The following ADGRL3 variants were observed in gnomAD, a reference collection of about 807,000 sequenced individuals.
The protein encoded by ADGRL3 is adhesion G protein-coupled receptor L3, also known as calcium-independent alpha-latrotoxin receptor 3.
Under a neutral mutation model 153.5 loss-of-function variants are expected in ADGRL3, and 62 were observed. The observed-to-expected ratio is 0.40, with a 90% CI of 0.33 to 0.50. The LOEUF (loss-of-function observed/expected upper bound fraction) is 0.50, where lower values mean the gene tolerates loss of function less well. Among genes scored for constraint, ADGRL3 ranks in the 20% least tolerant of loss-of-function variants. The pLI, the probability that ADGRL3 is intolerant of heterozygous loss-of-function variation, is 0.47. For missense variants in ADGRL3, 1,641 were observed against 1,859.4 expected (o/e 0.88, Z 2.16); for synonymous variants, 710 against 672.5 (o/e 1.06, Z -0.86).
At chr4:61,284,136 T>C (rs1348509452) in intron 1 of ADGRL3, among the ~76,000 whole-genome samples, 2 of 152,000 alleles carry the variant, frequency 1.3e-5, no homozygotes, top group Non-Finnish European at 2.9e-5. Context: ...GGGATACTTA[T>C]GTTCTTAACT....
intron 9 of ADGRL3, among the ~76,000 whole-genome samples, chr4:61,886,080 A>G (rs2098537181): frequency 6.6e-6 from 1 of 152,244 alleles, no homozygotes; most frequent in Non-Finnish European, 1.5e-5. Context: ...AATTACAAAA[A>G]TAAATATGCT....
chr4:61,939,195 C>G (rs987788977), intron 15 of ADGRL3, among the ~76,000 whole-genome samples: 1 of 152,096 alleles, frequency 6.6e-6, no homozygotes, highest in Non-Finnish European at 1.5e-5. Context: ...AGTTTTAAGA[C>G]AGGTAAAGAT....
At chr4:61,838,319 G>A (rs2097968545) in intron 9 of ADGRL3, among the ~76,000 whole-genome samples, 1 of 152,114 alleles carries the variant, frequency 6.6e-6, no homozygotes, top group Admixed American at 6.5e-5. Flanking sequence ...TTAAGAGGGT[G>A]TTTACAGTGG....
intron 2 of ADGRL3, among the ~76,000 whole-genome samples, chr4:61,398,741 C>A (rs1459237457): frequency 6.6e-6 from 1 of 151,442 alleles, no homozygotes; most frequent in African/African-American, 2.4e-5. Flanking sequence ...ATATTTTACT[C>A]CCTTGCCATA....
At chr4:61,731,042 AC>A (rs1173904019) in intron 7 of ADGRL3, among the ~76,000 whole-genome samples, 1 of 152,016 alleles carries the variant, frequency 6.6e-6, no homozygotes, top group Non-Finnish European at 1.5e-5. Flanking sequence ...AAAGTAAGTT[AC>A]TTTAGTCATC....
chr4:61,742,664 T>A (rs2151933021), intron 8 of ADGRL3, among the ~76,000 whole-genome samples: 1 of 152,268 alleles, frequency 6.6e-6, no homozygotes, highest in East Asian at 1.9e-4. Context: ...ACAAAGGTAT[T>A]TCCTTCTTAA....
chr4:61,773,446 A>G (rs1320468703), intron 8 of ADGRL3, among the ~76,000 whole-genome samples: 2 of 152,202 alleles, frequency 1.3e-5, no homozygotes, highest in Non-Finnish European at 2.9e-5. Flanking sequence ...AGCACCAGCA[A>G]CCTTTTATTC....
At chr4:62,007,419 T>C (rs1268910804) in intron 21 of ADGRL3, among the ~76,000 whole-genome samples, 2 of 112,718 alleles carry the variant, frequency 1.8e-5, no homozygotes, top group Admixed American at 9.4e-5. Context: ...CGTATATATA[T>C]ATACACATAT....
At chr4:61,272,790 G>T (rs2093266460) in intron 1 of ADGRL3, among the ~76,000 whole-genome samples, 2 of 152,172 alleles carry the variant, frequency 1.3e-5, no homozygotes, top group Non-Finnish European at 2.9e-5. Flanking sequence ...CTTACTGAGG[G>T]TTTGTGTAAT....
chr4:61,377,248 C>A (rs2096614711), intron 1 of ADGRL3, among the ~76,000 whole-genome samples: 1 of 152,064 alleles, frequency 6.6e-6, no homozygotes, highest in African/African-American at 2.4e-5. Flanking sequence ...TGCAGACAGG[C>A]AAACTGATAG....
At chr4:61,219,560 A>G (rs2148991972) in intron 1 of ADGRL3, among the ~76,000 whole-genome samples, 1 of 152,322 alleles carries the variant, frequency 6.6e-6, no homozygotes. Flanking sequence ...GATACCTGAA[A>G]AGAGAATAGT....
At chr4:61,544,861 A>G (rs1047289704) in intron 4 of ADGRL3, among the ~76,000 whole-genome samples, 3 of 152,198 alleles carry the variant, frequency 2.0e-5, no homozygotes, top group Non-Finnish European at 4.4e-5. Flanking sequence ...ATTAGTCTGT[A>G]TCTATTTCAC....
intron 1 of ADGRL3, among the ~76,000 whole-genome samples, chr4:61,304,878 C>T (rs972957581): frequency 1.3e-5 from 2 of 152,124 alleles, no homozygotes; most frequent in Admixed American, 1.3e-4. Context: ...AGATGAGAAT[C>T]ACCTAAAGTG....
chr4:61,698,773 A>G (rs2095691851), intron 6 of ADGRL3, among the ~76,000 whole-genome samples: 1 of 152,204 alleles, frequency 6.6e-6, no homozygotes, highest in Non-Finnish European at 1.5e-5. Context: ...CACAGCTTAT[A>G]AACTGAGATA....
At chr4:61,768,639 G>A (rs1364292634) in intron 8 of ADGRL3, among the ~76,000 whole-genome samples, 3 of 152,056 alleles carry the variant, frequency 2.0e-5, no homozygotes, top group East Asian at 1.9e-4. Context: ...AAGCGGCATT[G>A]CAGAAGAAAA....
intron 9 of ADGRL3, among the ~76,000 whole-genome samples, chr4:61,842,040 C>A (rs1581096600): frequency 6.6e-6 from 1 of 152,256 alleles, no homozygotes; most frequent in South Asian, 2.1e-4. Context: ...GGCAAACTCT[C>A]AAAGCCTAAT....
chr4:62,040,849 G>A (rs1232993877), intron 24 of ADGRL3, among the ~76,000 whole-genome samples: 3 of 152,026 alleles, frequency 2.0e-5, no homozygotes, highest in Non-Finnish European at 4.4e-5. Context: ...ACTACCTTTG[G>A]AAGTGATACT....
At chr4:61,747,415 T>C (rs931094564) in intron 8 of ADGRL3, among the ~76,000 whole-genome samples, 12 of 151,844 alleles carry the variant, frequency 7.9e-5, no homozygotes, top group Non-Finnish European at 1.6e-4. Flanking sequence ...AAAAGAGAAT[T>C]TTAGACCAAT....
intron 1 of ADGRL3, among the ~76,000 whole-genome samples, chr4:61,301,017 G>A (rs551824563): frequency 6.6e-6 from 1 of 152,194 alleles, no homozygotes; most frequent in Admixed American, 6.5e-5. Flanking sequence ...CCCGCCTCGG[G>A]CTCCGGAAGT....
Sources: allele counts gnomAD v4.1 joint callset (sites outside exome capture counted in the v4.1 genomes callset), GRCh38; gene constraint gnomAD v4.1.1; transcripts MANE v1.5; gene names NCBI Gene and HGNC (gene_info 2026-07-23, HGNC 2026-07-21).